Variants in GNA14 observed in about 807,000 individuals in gnomAD.
GNA14 encodes guanine nucleotide-binding protein subunit alpha-14.
GNA14 carries 50 observed loss-of-function variants against 42.0 expected under a neutral mutation model. That is an observed-to-expected ratio of 1.19 (90% CI 0.95 to 1.51). The LOEUF (loss-of-function observed/expected upper bound fraction) is 1.51, where lower values mean the gene tolerates loss of function less well. Among genes scored for constraint, GNA14 ranks in the 40% most tolerant of loss-of-function variants. The probability of loss-of-function intolerance (pLI) is 0.00; values close to 1 mark genes in which losing one functional copy is unlikely to be tolerated. For missense variants in GNA14, 473 were observed against 446.2 expected (o/e 1.06, Z -0.54); for synonymous variants, 173 against 163.1 (o/e 1.06, Z -0.46).
chr9:77,547,106 A>T (rs912261507), intron 1 of GNA14, among the ~76,000 whole-genome samples: 3 of 152,258 alleles, frequency 2.0e-5, no homozygotes, highest in African/African-American at 4.8e-5. Context: ...TCAGATTTTC[A>T]GTAAGAAAAT....
chr9:77,539,731 C>T (rs1476738246), intron 1 of GNA14, among the ~76,000 whole-genome samples: 1 of 152,094 alleles, frequency 6.6e-6, no homozygotes, highest in Non-Finnish European at 1.5e-5. Context: ...CTGATTCAAG[C>T]TTGGTTGGTT....
intron 2 of GNA14, among the ~76,000 whole-genome samples, chr9:77,469,552 G>T (rs767497386): frequency 1.3e-5 from 2 of 149,228 alleles, no homozygotes; most frequent in Non-Finnish European, 3.0e-5. Flanking sequence ...AAAAAAGTCT[G>T]GTTAAAGATT....
chr9:77,438,311 C>T (rs1470058815), intron 2 of GNA14, among the ~76,000 whole-genome samples: 1 of 151,926 alleles, frequency 6.6e-6, no homozygotes, highest in Non-Finnish European at 1.5e-5. Flanking sequence ...CTGTCTCCCA[C>T]GCTGGAGCAC....
chr9:77,542,465 T>G (rs10121638), intron 1 of GNA14, among the ~76,000 whole-genome samples: 73,330 of 151,926 alleles, frequency 0.48, 18,439 homozygotes, highest in Admixed American at 0.57. Context: ...CCACAGTATA[T>G]GTTGGCTCTG....
intron 1 of GNA14, among the ~76,000 whole-genome samples, chr9:77,584,204 C>T (rs1823267180): frequency 6.6e-6 from 1 of 152,112 alleles, no homozygotes. Flanking sequence ...TCTACCTCTA[C>T]CATTCAAAGG....
At chr9:77,578,578 G>C (rs1021518361) in intron 1 of GNA14, among the ~76,000 whole-genome samples, 1 of 152,108 alleles carries the variant, frequency 6.6e-6, no homozygotes, top group Non-Finnish European at 1.5e-5. Context: ...AGATATAGAT[G>C]AGCACCATAT....
chr9:77,519,836 C>T lies in GNA14; in HGVS notation c.309+9233G>A, dbSNP rs542834553. Among the ~76,000 whole-genome samples, 7 of 152,134 alleles carry T rather than the reference C, an allele frequency of 4.6e-5. No individual in the cohort carries two copies. In the South Asian group the frequency reaches 1.0e-3, roughly 23 times the overall value. On this transcript the variant is annotated intron_variant, in intron 2 of 6. Coordinates refer to ENST00000341700, the MANE Select transcript of GNA14 (RefSeq NM_004297.4). ...ACCAGCCTGGCCAACATGGCGAAACCGTATCTCTACTAAAAATACAAAAAT... is the reference window on the plus strand; with the variant it reads ...ACCAGCCTGGCCAACATGGCGAAACTGTATCTCTACTAAAAATACAAAAAT...
At chr9:77,600,193 G>T (rs759346884) in intron 1 of GNA14, among the ~76,000 whole-genome samples, 10 of 152,214 alleles carry the variant, frequency 6.6e-5, no homozygotes, top group Non-Finnish European at 1.0e-4. Context: ...GCCCAGATTT[G>T]ATTCTGATAG....
At chr9:77,470,871 C>T (rs1226392351) in intron 2 of GNA14, among the ~76,000 whole-genome samples, 2 of 152,134 alleles carry the variant, frequency 1.3e-5, no homozygotes, top group East Asian at 3.9e-4. Flanking sequence ...AAGTGCCACA[C>T]ACTTTTAAAC....
intron 2 of GNA14, among the ~76,000 whole-genome samples, chr9:77,512,705 A>C (rs1262524094): frequency 6.6e-6 from 1 of 152,188 alleles, no homozygotes; most frequent in Non-Finnish European, 1.5e-5. Flanking sequence ...TTATAGATTG[A>C]TAATCTTTTT....
chr9:77,493,026 A>AAT lies in GNA14; in HGVS notation c.309+36041_309+36042dup, dbSNP rs1172872010. On this transcript the variant is annotated intron_variant, in intron 2 of 6. Transcript: ENST00000341700. ...AGGAAAAAAAAAAAAAAAAAAAAAA[A>AAT]ATATATATATATATATATATTTGGG... 8.4e-3 allele frequency among the ~76,000 whole-genome samples: 434 copies of AAT among 51,632 alleles called. 6 individuals carry two copies. The highest frequency in any genetic ancestry group is 0.012 in the Middle Eastern group (1 of 86). 33.9% of individuals were successfully genotyped at this position (51,632 alleles called of 152,430 possible).
At chr9:77,620,077 C>T (rs560606223) in intron 1 of GNA14, among the ~76,000 whole-genome samples, 31 of 151,782 alleles carry the variant, frequency 2.0e-4, no homozygotes, top group African/African-American at 5.6e-4. Context: ...AGGCACATTA[C>T]GTGTGTGTGC....
intron 1 of GNA14, among the ~76,000 whole-genome samples, chr9:77,625,677 G>A (rs1157935961): frequency 6.6e-6 from 1 of 152,102 alleles, no homozygotes; most frequent in African/African-American, 2.4e-5. Flanking sequence ...TTACAGACAA[G>A]CAAATGCTGA....
chr9:77,457,857 CCAA>C (rs998263781), intron 2 of GNA14, among the ~76,000 whole-genome samples: 3 of 152,152 alleles, frequency 2.0e-5, no homozygotes, highest in Non-Finnish European at 4.4e-5. Context: ...AGAGAATCAT[CCAA>C]CAACATTCCT....
intron 1 of GNA14, among the ~76,000 whole-genome samples, chr9:77,584,498 C>T (rs1291954394): frequency 1.3e-5 from 2 of 151,986 alleles, no homozygotes; most frequent in Non-Finnish European, 2.9e-5. Flanking sequence ...GTCTCCAGTC[C>T]TGTGACTTAC....
intron 1 of GNA14, among the ~76,000 whole-genome samples, chr9:77,641,785 T>C (rs1156848645): frequency 2.0e-5 from 3 of 152,160 alleles, no homozygotes; most frequent in Non-Finnish European, 2.9e-5. Flanking sequence ...GATAATAGAT[T>C]GGACACAAAT....
chr9:77,644,848 T>C (rs886574640), intron 1 of GNA14, among the ~76,000 whole-genome samples: 1 of 152,222 alleles, frequency 6.6e-6, no homozygotes, highest in African/African-American at 2.4e-5. Context: ...TTAATAGCTA[T>C]TGTCCTGACA....
rs772571271 is a variant in GNA14, at chr9:77,434,467, C to T, written c.365G>A (p.Arg122Lys). 1 of 1,613,618 alleles carries T rather than the reference C, an allele frequency of 6.2e-7. No homozygotes were observed. Among genetic ancestry groups the T allele is most frequent in the African/African-American group, 1.3e-5 (1 of 75,044 alleles). The change falls in exon 3 of 7, where the codon AGG (arginine) becomes AAG (lysine). Residue 122 changes from arginine (R) to lysine (K), a missense_variant. Arg to Lys is a conservative substitution (Grantham distance 26). Coordinates refer to ENST00000341700, the MANE Select transcript of GNA14 (RefSeq NM_004297.4). Reference protein sequence around the residue: ...VEVDKVSMLSREQVEAIKQLW... With the variant: ...VEVDKVSMLSKEQVEAIKQLW... Reference sequence around the variant, plus strand: ...CTGCTTGATGGCCTCCACCTGCTCCCTGGAGAGCATGGAGACCTTGTCCAC... The same window carrying T: ...CTGCTTGATGGCCTCCACCTGCTCCTTGGAGAGCATGGAGACCTTGTCCAC...
At chr9:77,599,864 C>A (rs1016457000) in intron 1 of GNA14, among the ~76,000 whole-genome samples, 2 of 152,080 alleles carry the variant, frequency 1.3e-5, no homozygotes, top group African/African-American at 2.4e-5. Context: ...GGAATAATGA[C>A]AATTAAATTT....
Sources: gnomAD v4.1 joint callset for allele counts (sites outside exome capture counted in the v4.1 genomes callset) on GRCh38, gnomAD v4.1.1 for gene constraint, MANE v1.5 for transcripts, NCBI Gene and HGNC (gene_info 2026-07-23, HGNC 2026-07-21) for gene names.